Variants in CSMD1 observed in about 807,000 individuals in gnomAD.
The protein encoded by CSMD1 is CUB and sushi domain-containing protein 1.
Under a neutral mutation model 417.5 loss-of-function variants are expected in CSMD1, and 213 were observed. That is an observed-to-expected ratio of 0.51 (90% CI 0.46 to 0.57). CSMD1 has a LOEUF of 0.57. Among genes scored for constraint, CSMD1 ranks in the 20% least tolerant of loss-of-function variants. The pLI, the probability that CSMD1 is intolerant of heterozygous loss-of-function variation, is 0.00. For synonymous variants in CSMD1, 2,862 were observed against 1,736.8 expected (o/e 1.65, Z -16.11); for missense variants, 6,923 against 4,529.7 (o/e 1.53, Z -15.17).
chr8:4,837,900 T>TA (rs916798676), intron 1 of CSMD1, among the ~76,000 whole-genome samples: 78 of 150,492 alleles, frequency 5.2e-4, no homozygotes, highest in South Asian at 3.6e-3. Context: ...ACCCCAAAAT[T>TA]AAAAAAAAAT....
At chr8:4,486,420 T>C (rs1466286700) in intron 2 of CSMD1, among the ~76,000 whole-genome samples, 1 of 151,234 alleles carries the variant, frequency 6.6e-6, no homozygotes, top group Non-Finnish European at 1.5e-5. Flanking sequence ...ATGATTTATA[T>C]TTAATTATAA....
chr8:4,122,077 A>T (rs920679268), intron 3 of CSMD1, among the ~76,000 whole-genome samples: 1 of 152,086 alleles, frequency 6.6e-6, no homozygotes, highest in Non-Finnish European at 1.5e-5. Context: ...TATAAAATAT[A>T]TATCAATATC....
At chr8:4,127,796 G>C (rs1438966187) in intron 3 of CSMD1, among the ~76,000 whole-genome samples, 1 of 152,178 alleles carries the variant, frequency 6.6e-6, no homozygotes, top group South Asian at 2.1e-4. Context: ...CTCTGAAGTA[G>C]ATGGTATTTG....
chr8:4,833,871 G>T (rs988012950), intron 1 of CSMD1, among the ~76,000 whole-genome samples: 1 of 152,156 alleles, frequency 6.6e-6, no homozygotes, highest in Non-Finnish European at 1.5e-5. Context: ...TCTAGTGAAG[G>T]TTGTAAATAA....
At chr8:4,780,638 G>A (rs1050960212) in intron 1 of CSMD1, among the ~76,000 whole-genome samples, 12 of 152,260 alleles carry the variant, frequency 7.9e-5, no homozygotes, top group Admixed American at 7.8e-4. Flanking sequence ...TTATTTAGTA[G>A]TGATTTGTGA....
rs781151816 is a variant in CSMD1, at chr8:3,387,611, A to C, written c.2665T>G (p.Phe889Val). The C allele has an allele frequency of 6.2e-7, 1 of 1,601,802 alleles. No individual in the cohort carries two copies. Among genetic ancestry groups the C allele is most frequent in the Non-Finnish European group, 8.5e-7 (1 of 1,174,074 alleles). ...AAAGTCACTGTGGACCTGATGCCAA[A>C]GTCTCCACCGTGGCGATGGCCGTTC... ...PVNGHRHGGDFGIRSTVTFSC... is the reference protein window; with the variant it reads ...PVNGHRHGGDVGIRSTVTFSC... The change falls in exon 18 of 70, where the codon TTT (phenylalanine) becomes GTT (valine). Residue 889 changes from phenylalanine to valine, a missense_variant. By Grantham distance (50) the Phe-to-Val change is conservative. Transcript: ENST00000635120.
Position 3,743,855 on chromosome 8 carries a change from C to T in CSMD1, c.931+10075G>A, listed in dbSNP as rs2720844. On this transcript the variant is annotated intron_variant, in intron 6 of 69. Coordinates refer to ENST00000635120, the MANE Select transcript of CSMD1 (RefSeq NM_033225.6). The stretch of plus-strand genomic sequence containing the variant: ...ATCTGCTTCCTCCTCTAACCAATTT[C>T]GTCTATGTTATCGTATGTAAAATCC... Among the ~76,000 whole-genome samples the T allele has an allele frequency of 4.4e-3, 667 of 152,274 alleles. 19 individuals are homozygous for T. The East Asian group carries it at 0.075, about 17-fold the overall frequency.
chr8:3,875,427 C>T (rs1805751409), intron 5 of CSMD1, among the ~76,000 whole-genome samples: 1 of 152,014 alleles, frequency 6.6e-6, no homozygotes, highest in South Asian at 2.1e-4. Flanking sequence ...GGAGTTCCTG[C>T]AGGAGGGAGT....
intron 50 of CSMD1, among the ~76,000 whole-genome samples, chr8:3,041,538 G>A (rs1194648039): frequency 1.3e-5 from 2 of 152,156 alleles, no homozygotes; most frequent in Non-Finnish European, 2.9e-5. Flanking sequence ...GTCAATGTAA[G>A]TGTTGGCTGT....
chr8:4,225,978 C>T (rs1801327500), intron 3 of CSMD1, among the ~76,000 whole-genome samples: 1 of 151,642 alleles, frequency 6.6e-6, no homozygotes, highest in Non-Finnish European at 1.5e-5. Flanking sequence ...TTGATAGATT[C>T]AAGTTCAAGA....
intron 12 of CSMD1, among the ~76,000 whole-genome samples, chr8:3,448,224 A>G (rs971946742): frequency 4.8e-5 from 7 of 147,020 alleles, no homozygotes; most frequent in African/African-American, 1.5e-4. Context: ...GATGGGGCCA[A>G]CTCTCAAAAG....
At chr8:3,712,404 GAC>G (rs536625789) in intron 6 of CSMD1, among the ~76,000 whole-genome samples, 1,718 of 54,036 alleles carry the variant, frequency 0.032, 37 homozygotes, top group African/African-American at 0.093. Flanking sequence ...GAGAGAGACA[GAC>G]AGACAGACAG....
At chr8:4,695,292 TTA>T (rs1213626159) in intron 1 of CSMD1, among the ~76,000 whole-genome samples, 1 of 152,206 alleles carries the variant, frequency 6.6e-6, no homozygotes, top group African/African-American at 2.4e-5. Flanking sequence ...TGTACAGCCT[TTA>T]TAGTCTGCAC....
chr8:3,070,443 C>A (rs1244125965), intron 49 of CSMD1, among the ~76,000 whole-genome samples: 1 of 152,174 alleles, frequency 6.6e-6, no homozygotes, highest in Non-Finnish European at 1.5e-5. Context: ...TATAAAGCAG[C>A]CAGGCCACAT....
chr8:4,719,006 A>C (rs551174256), intron 1 of CSMD1, among the ~76,000 whole-genome samples: 1 of 152,324 alleles, frequency 6.6e-6, no homozygotes, highest in African/African-American at 2.4e-5. Context: ...AGGTATGAGA[A>C]AAAAGGAAAA....
At chr8:3,314,609 T>G (rs553576953) in intron 23 of CSMD1, among the ~76,000 whole-genome samples, 51 of 152,326 alleles carry the variant, frequency 3.3e-4, no homozygotes, top group African/African-American at 1.2e-3. Context: ...TGATTTCATT[T>G]TAAGTCAAAG....
At chr8:3,000,369 G>A (rs972400320) in intron 52 of CSMD1, among the ~76,000 whole-genome samples, 1 of 150,414 alleles carries the variant, frequency 6.6e-6, no homozygotes, top group African/African-American at 2.5e-5. Context: ...TATTTTCCTA[G>A]TTGTGATTTT....
rs3990319 is a variant in CSMD1 at position 4,187,305 on chromosome 8, G to T, written c.416-155206C>A. On this transcript the variant is annotated intron_variant, in intron 3 of 69. Transcript: ENST00000635120. ...CTGATGCTCTTTCAGTCATAGGAAA[G>T]GACAACCCACTAGGATGCAATGGTT... 4.9e-4 allele frequency among the ~76,000 whole-genome samples: 74 copies of T among 152,096 alleles called. 1 individual carries two copies. The highest frequency in any genetic ancestry group is 1.8e-3 in the Admixed American group (28 of 15,294).
chr8:3,295,765 A>C (rs1292220314), intron 25 of CSMD1, among the ~76,000 whole-genome samples: 1 of 152,202 alleles, frequency 6.6e-6, no homozygotes, highest in Non-Finnish European at 1.5e-5. Context: ...ACATATATAT[A>C]GAAAATTTGA....
Sources: allele counts gnomAD v4.1 joint callset (sites outside exome capture counted in the v4.1 genomes callset), GRCh38; gene constraint gnomAD v4.1.1; transcripts MANE v1.5; gene names NCBI Gene and HGNC (gene_info 2026-07-23, HGNC 2026-07-21).